ZMAT4: variants seen among roughly 807,000 people sequenced by gnomAD.
ZMAT4 encodes the protein zinc finger matrin-type protein 4.
In ZMAT4, 17 loss-of-function variants were observed where a neutral mutation model predicts 28.7. That is an observed-to-expected ratio of 0.59 (90% CI 0.41 to 0.89). The LOEUF (loss-of-function observed/expected upper bound fraction) is 0.89, where lower values mean the gene tolerates loss of function less well. Among genes scored for constraint, ZMAT4 ranks in the 40% least tolerant of loss-of-function variants. The pLI, the probability that ZMAT4 is intolerant of heterozygous loss-of-function variation, is 0.00. For missense variants in ZMAT4, 240 were observed against 283.8 expected (o/e 0.85, Z 1.11); for synonymous variants, 117 against 109.2 (o/e 1.07, Z -0.44).
chr8:40,806,555 A>C (rs1815092290), intron 2 of ZMAT4, among the ~76,000 whole-genome samples: 1 of 152,242 alleles, frequency 6.6e-6, no homozygotes, highest in Non-Finnish European at 1.5e-5. Context: ...TTATGTATAC[A>C]GAGCTACTCT....
At position 40,593,243 on chromosome 8, in the gene ZMAT4, C is replaced by T. The variant is rs1804955672; in HGVS notation, c.578-11982G>A. Among the ~76,000 whole-genome samples, 5 of 152,264 alleles carry T rather than the reference C, an allele frequency of 3.3e-5. 1 individual carries two copies. The highest frequency in any genetic ancestry group is 3.3e-4 in the Admixed American group (5 of 15,302). ...TTCTAGAACACAATTGTTAATTCAG[C>T]TTCCTTTATGCCTGAAGTGGATTGG... is the stretch of plus-strand genomic sequence containing the variant. On this transcript the variant is annotated intron_variant, in intron 5 of 6. Transcript: ENST00000297737.
At chr8:40,761,459 C>T (rs1255659576) in intron 3 of ZMAT4, among the ~76,000 whole-genome samples, 1 of 152,090 alleles carries the variant, frequency 6.6e-6, no homozygotes, top group East Asian at 1.9e-4. Flanking sequence ...TGGTACAAAT[C>T]TTCCAGAGCC....
At chr8:40,598,584 G>C (rs1450087785) in intron 5 of ZMAT4, among the ~76,000 whole-genome samples, 1 of 152,132 alleles carries the variant, frequency 6.6e-6, no homozygotes, top group African/African-American at 2.4e-5. Context: ...TGGTGTATGT[G>C]TGCCATATTT....
chr8:40,640,383 G>A (rs1328958405), intron 5 of ZMAT4, among the ~76,000 whole-genome samples: 1 of 152,206 alleles, frequency 6.6e-6, no homozygotes, highest in Admixed American at 6.5e-5. Flanking sequence ...TACTTGAAAA[G>A]GCACAGTTGC....
intron 6 of ZMAT4, among the ~76,000 whole-genome samples, chr8:40,553,698 T>C (rs1414066928): frequency 6.6e-6 from 1 of 152,130 alleles, no homozygotes; most frequent in Non-Finnish European, 1.5e-5. Flanking sequence ...TCACCTAAGG[T>C]TGCATAGATA....
intron 6 of ZMAT4, among the ~76,000 whole-genome samples, chr8:40,559,627 A>G (rs1803665531): frequency 6.6e-6 from 1 of 152,066 alleles, no homozygotes; most frequent in African/African-American, 2.4e-5. Context: ...ACCCTTTATA[A>G]AAAATAAAGT....
At chr8:40,709,019 C>A (rs535071454) in intron 3 of ZMAT4, among the ~76,000 whole-genome samples, 1 of 152,168 alleles carries the variant, frequency 6.6e-6, no homozygotes, top group African/African-American at 2.4e-5. Context: ...AGCAGTCATC[C>A]TTCAGTATCC....
chr8:40,796,419 G>A (rs1430503926), intron 2 of ZMAT4, among the ~76,000 whole-genome samples: 1 of 152,218 alleles, frequency 6.6e-6, no homozygotes, highest in Non-Finnish European at 1.5e-5. Flanking sequence ...GCTTCTTTTT[G>A]TGTATTTAGC....
intron 5 of ZMAT4, among the ~76,000 whole-genome samples, chr8:40,588,435 T>C (rs1042176126): frequency 6.6e-6 from 1 of 152,004 alleles, no homozygotes; most frequent in Non-Finnish European, 1.5e-5. Flanking sequence ...ATAATAAAAA[T>C]ACAATCTAAT....
At chr8:40,751,330 C>G (rs535543743) in intron 3 of ZMAT4, among the ~76,000 whole-genome samples, 1 of 152,054 alleles carries the variant, frequency 6.6e-6, no homozygotes, top group Admixed American at 6.6e-5. Context: ...CCTCGGGAAG[C>G]TTCCAATCAT....
intron 3 of ZMAT4, among the ~76,000 whole-genome samples, chr8:40,737,812 AT>A (rs34256692): frequency 0.046 from 6,768 of 145,716 alleles, 424 homozygotes; most frequent in African/African-American, 0.15. Context: ...TCCTTTGCTT[AT>A]TTTTTTTTTT....
chr8:40,634,561 A>G (rs535204383), intron 5 of ZMAT4, among the ~76,000 whole-genome samples: 97 of 152,304 alleles, frequency 6.4e-4, no homozygotes, highest in African/African-American at 2.1e-3. Context: ...CCAAAGCAAT[A>G]ATGTCATGCA....
intron 3 of ZMAT4, among the ~76,000 whole-genome samples, chr8:40,754,729 C>T (rs886349176): frequency 2.0e-5 from 3 of 152,260 alleles, no homozygotes; most frequent in South Asian, 2.1e-4. Context: ...TGGCATAAAA[C>T]GACCAGGTGG....
intron 3 of ZMAT4, among the ~76,000 whole-genome samples, chr8:40,763,936 G>A (rs770001382): frequency 6.6e-6 from 1 of 151,914 alleles, no homozygotes; most frequent in African/African-American, 2.4e-5. Context: ...ACTGACTTGC[G>A]ATTTTGGTCA....
chr8:40,773,206 T>TA (rs1563474453), intron 2 of ZMAT4, among the ~76,000 whole-genome samples: 25 of 152,308 alleles, frequency 1.6e-4, no homozygotes, highest in African/African-American at 5.1e-4. Context: ...CTAGAATGAA[T>TA]GATGGGTCAA....
intron 1 of ZMAT4, among the ~76,000 whole-genome samples, chr8:40,871,666 A>G (rs1338153954): frequency 2.0e-5 from 3 of 152,200 alleles, no homozygotes; most frequent in Non-Finnish European, 4.4e-5. Context: ...GGTCTTCCCA[A>G]GAGGAATAAG....
chr8:40,564,242 G>A (rs2599676), intron 6 of ZMAT4, among the ~76,000 whole-genome samples: 139,019 of 152,184 alleles, frequency 0.91, 63,693 homozygotes, highest in East Asian at 1. Context: ...GTTCATGTAG[G>A]AGACAATATT....
chr8:40,729,705 T>C (rs574747624), intron 3 of ZMAT4, among the ~76,000 whole-genome samples: 4 of 151,944 alleles, frequency 2.6e-5, no homozygotes, highest in Non-Finnish European at 4.4e-5. Context: ...AGTAAATGAT[T>C]CTCCTGCCTC....
At chr8:40,677,729 A>G (rs1044284645) in intron 4 of ZMAT4, among the ~76,000 whole-genome samples, 1 of 152,218 alleles carries the variant, frequency 6.6e-6, no homozygotes, top group Non-Finnish European at 1.5e-5. Context: ...TTCCAATAAA[A>G]TGAATGAAGA....
Sources: allele counts gnomAD v4.1 joint callset (sites outside exome capture counted in the v4.1 genomes callset), GRCh38; gene constraint gnomAD v4.1.1; transcripts MANE v1.5; gene names NCBI Gene and HGNC (gene_info 2026-07-23, HGNC 2026-07-21).